Variants in PDLIM1 observed in about 807,000 individuals in gnomAD.
The protein encoded by PDLIM1 is PDZ and LIM domain 1.
PDLIM1 carries 25 observed loss-of-function variants against 35.2 expected under a neutral mutation model. The observed-to-expected ratio is 0.71, with a 90% confidence interval of 0.52 to 0.99. The LOEUF is 0.99. Ranked by LOEUF, PDLIM1 falls within the 50% of genes least tolerant of loss-of-function variation. PDLIM1 has a pLI of 0.00. For missense variants in PDLIM1, 363 were observed against 415.3 expected (o/e 0.87, Z 1.09); for synonymous variants, 152 against 154.0 (o/e 0.99, Z 0.10).
rs796450715 is a variant in PDLIM1, at chr10:95,266,506, G to A, written c.333+2272C>T. ...TTCCGCCTTGGCTCAATTTTTCCCT[G>A]CAATTTCCTGTTTGGCAAGGAATAC... On this transcript the variant is annotated intron_variant, in intron 3 of 6. Transcript: ENST00000329399. Among the ~76,000 whole-genome samples, 67 of 152,164 alleles carry A rather than the reference G, an allele frequency of 4.4e-4. 1 individual carries two copies. The highest frequency in any genetic ancestry group is 1.6e-3 in the African/African-American group (65 of 41,506).
At chr10:95,272,155 G>A (rs1374437265) in intron 1 of PDLIM1, among the ~76,000 whole-genome samples, 1 of 152,014 alleles carries the variant, frequency 6.6e-6, no homozygotes, top group African/African-American at 2.4e-5. Flanking sequence ...CAGATCTGAT[G>A]TCCTTCCCAC....
chr10:95,268,735 T>C, intron 3 of PDLIM1, 43 bp downstream of exon 3: 1 of 1,271,980 alleles, frequency 7.9e-7, no homozygotes, highest in Non-Finnish European at 1.2e-6. Context: ...AACGGCAAAG[T>C]GCTGGGTGGT....
At chr10:95,271,436 CAAAA>C (rs5787128) in intron 2 of PDLIM1, among the ~76,000 whole-genome samples, 193 bp downstream of exon 2, 1 of 71,878 alleles carries the variant, frequency 1.4e-5, no homozygotes, top group African/African-American at 4.2e-5. Context: ...GACTCCGTCT[CAAAA>C]AAAAAAAAAA....
At chr10:95,260,956 G>A (rs1457444049) in intron 4 of PDLIM1, among the ~76,000 whole-genome samples, 1 of 152,220 alleles carries the variant, frequency 6.6e-6, no homozygotes, top group Non-Finnish European at 1.5e-5. Context: ...GGCCAGTTAG[G>A]CAGCTCCTCT....
Position 95,290,787 on chromosome 10 carries a change from C to T in PDLIM1, c.96+33G>A, listed in dbSNP as rs1282200382. The T allele has an allele frequency of 2.7e-6, 4 of 1,472,196 alleles. No individual in the cohort carries two copies. The highest frequency in any genetic ancestry group is 2.0e-5 in the Admixed American group (1 of 50,844). 91.2% of individuals were successfully genotyped at this position (1,472,196 alleles called of 1,614,324 possible). ...TCTCCGCATATCACCTCCCATAGCG[C>T]CCCGCTTCCACGCACGTCCCAGCTG... On this transcript the variant is annotated intron_variant, in intron 1 of 6. Coordinates refer to ENST00000329399, the MANE Select transcript of PDLIM1 (RefSeq NM_020992.4). The surrounding 1 kb of genome is among the most constrained non-coding windows in gnomAD (Gnocchi z 4.7).
intron 5 of PDLIM1, among the ~76,000 whole-genome samples, chr10:95,243,786 G>A (rs1423713548): frequency 6.6e-6 from 1 of 152,100 alleles, no homozygotes; most frequent in Non-Finnish European, 1.5e-5. Context: ...AAAATGGAAA[G>A]AATTTCTGAC....
chr10:95,271,825 C>T (rs2035467707), intron 1 of PDLIM1, 41 bp from the exon 2 acceptor site: 1 of 1,593,870 alleles, frequency 6.3e-7, no homozygotes, highest in African/African-American at 1.4e-5. Context: ...CTATTTGTCT[C>T]CAAACCACTA....
chr10:95,252,525 G>A (rs2035276072), intron 4 of PDLIM1, among the ~76,000 whole-genome samples: 1 of 152,152 alleles, frequency 6.6e-6, no homozygotes, highest in African/African-American at 2.4e-5. Context: ...TCTCTCAGAA[G>A]AACCAGGAAG....
Position 95,247,204 on chromosome 10 carries a change from G to A in PDLIM1, c.685+11C>T. On this transcript the variant is annotated intron_variant, in intron 5 of 6. Coordinates refer to ENST00000329399, the MANE Select transcript of PDLIM1 (RefSeq NM_020992.4). The stretch of plus-strand genomic sequence containing the variant: ...GAACAAGAGCCTCTGACTGCAGATG[G>A]AGCTGATTACCTTTTTCTTCAGACT... 4.3e-6 allele frequency: 7 copies of A among 1,609,856 alleles called. No homozygotes were observed. Among genetic ancestry groups the A allele is most frequent in the Non-Finnish European group, 5.1e-6 (6 of 1,178,154 alleles).
rs2035646259 is a variant in PDLIM1 at position 95,290,736 on chromosome 10, C to A, written c.96+84G>T. 3 of 949,830 alleles carry A rather than the reference C, an allele frequency of 3.2e-6. No individual in the cohort carries two copies. The highest frequency in any genetic ancestry group is 2.0e-5 in the South Asian group (1 of 50,772). 58.8% of individuals were successfully genotyped at this position (949,830 alleles called of 1,614,324 possible). A position where few individuals can be genotyped will look rare whatever the true frequency, so the allele number is the denominator to read the frequency against. ...CGCCCGGCTGCGGTTCCGACTCCGT[C>A]CCCGACCGCGCCCGCGGGGCCCCAG... On this transcript the variant is annotated intron_variant, in intron 1 of 6. Coordinates refer to ENST00000329399, the MANE Select transcript of PDLIM1 (RefSeq NM_020992.4). The surrounding 1 kb of genome is among the most constrained non-coding windows in gnomAD (Gnocchi z 4.7).
At chr10:95,266,023 A>G (rs1169853677) in intron 3 of PDLIM1, among the ~76,000 whole-genome samples, 1 of 151,986 alleles carries the variant, frequency 6.6e-6, no homozygotes, top group Non-Finnish European at 1.5e-5. Context: ...ACATGGTGAA[A>G]CCTCGTTTCT....
intron 5 of PDLIM1, among the ~76,000 whole-genome samples, chr10:95,245,349 G>C (rs979183819): frequency 6.6e-6 from 1 of 152,180 alleles, no homozygotes; most frequent in African/African-American, 2.4e-5. Context: ...TGCTAACCAG[G>C]ACCACGAAGT....
chr10:95,286,654 T>C (rs1033687628), intron 1 of PDLIM1, among the ~76,000 whole-genome samples: 6 of 152,232 alleles, frequency 3.9e-5, no homozygotes, highest in African/African-American at 1.4e-4. Flanking sequence ...AAGTTAGTTT[T>C]CTGACACAAC....
At chr10:95,270,812 G>A (rs1324007242) in intron 2 of PDLIM1, among the ~76,000 whole-genome samples, 1 of 151,824 alleles carries the variant, frequency 6.6e-6, no homozygotes, top group Non-Finnish European at 1.5e-5. Context: ...GTGCAGTGAC[G>A]CCATCTCAGC....
At position 95,251,391 on chromosome 10, in the gene PDLIM1, G is replaced by A. The variant is rs112180301; in HGVS notation, c.534-4025C>T. On this transcript the variant is annotated intron_variant, in intron 4 of 6. Transcript: ENST00000329399. ...AGTTCGAGACCAGCCTAGGCAACAC[G>A]GTGAAACTCCTATCTCTACTAAAAT... Among the ~76,000 whole-genome samples the A allele has an allele frequency of 6.0e-3, 916 of 152,166 alleles. 7 individuals are homozygous for A. Among genetic ancestry groups the A allele is most frequent in the African/African-American group, 0.021 (874 of 41,520 alleles).
intron 5 of PDLIM1, among the ~76,000 whole-genome samples, chr10:95,239,749 T>C (rs903726254): frequency 1.3e-5 from 2 of 152,152 alleles, no homozygotes; most frequent in Admixed American, 6.6e-5. Context: ...TGGGCTGAGA[T>C]TGTGCCACTG....
At chr10:95,261,452 T>G (rs907699435) in intron 4 of PDLIM1, among the ~76,000 whole-genome samples, 6 of 152,078 alleles carry the variant, frequency 3.9e-5, no homozygotes, top group Admixed American at 1.3e-4. Context: ...AAGCTTCCTC[T>G]CAGGGTGTGT....
chr10:95,237,825 CA>C lies in PDLIM1; in HGVS notation c.*99del. On this transcript the variant is annotated 3_prime_UTR_variant, in exon 7 of 7. Transcript: ENST00000329399. ...AATGTTTTACAAGCAGAGGGAAAAC[CA>C]AAGTAAGCAGAGAACTTTCAAGAGA... The C allele has an allele frequency of 9.5e-7, 1 of 1,057,968 alleles. No individual in the cohort carries two copies. Among genetic ancestry groups the C allele is most frequent in the Non-Finnish European group, 1.4e-6 (1 of 730,926 alleles). 65.5% of individuals were successfully genotyped at this position (1,057,968 alleles called of 1,614,324 possible).
chr10:95,287,239 C>T (rs45495404), intron 1 of PDLIM1, among the ~76,000 whole-genome samples: 2,847 of 152,310 alleles, frequency 0.019, 88 homozygotes, highest in African/African-American at 0.064. Context: ...GCCATTAAAA[C>T]ATAATGACCC....
Sources: allele counts gnomAD v4.1 joint callset (sites outside exome capture counted in the v4.1 genomes callset), GRCh38; gene constraint gnomAD v4.1.1; non-coding constraint Gnocchi (gnomAD v3.1); transcripts MANE v1.5; gene names NCBI Gene and HGNC (gene_info 2026-07-23, HGNC 2026-07-21).